Variants in ZZEF1 observed in about 807,000 individuals in gnomAD.
ZZEF1 encodes zinc finger ZZ-type and EF-hand domain-containing protein 1.
In ZZEF1, 157 loss-of-function variants were observed where a neutral mutation model predicts 342.8. The observed-to-expected ratio is 0.46, with a 90% CI of 0.40 to 0.52. ZZEF1 has a LOEUF of 0.52. Among genes scored for constraint, ZZEF1 ranks in the 20% least tolerant of loss-of-function variants. The probability of loss-of-function intolerance (pLI) is 0.00; values close to 1 mark genes in which losing one functional copy is unlikely to be tolerated. For missense variants in ZZEF1, 3,480 were observed against 3,725.6 expected (o/e 0.93, Z 1.72); for synonymous variants, 1,505 against 1,429.1 (o/e 1.05, Z -1.20).
At chr17:4,142,507 C>G (rs1424368399) in intron 1 of ZZEF1, 35 bp downstream of exon 1, 1 of 1,584,902 alleles carries the variant, frequency 6.3e-7, no homozygotes, top group Non-Finnish European at 8.5e-7. Context: ...GGCGACCGCC[C>G]TGCCCCATCC....
At position 4,075,444 on chromosome 17, in the gene ZZEF1, G is replaced by C; in HGVS notation, c.3235-15C>G. The C allele has an allele frequency of 6.2e-7, 1 of 1,611,590 alleles. No individual in the cohort carries two copies. The highest frequency in any genetic ancestry group is 8.5e-7 in the Non-Finnish European group (1 of 1,178,712). ...TCAACATCCAGCTATGATAACAAAT[G>C]AGCCAGGGGAAAGAAAGGTTCTATC... On this transcript the variant is annotated splice_polypyrimidine_tract_variant and intron_variant, in intron 21 of 54. Transcript: ENST00000381638.
rs1294584815 is a variant in ZZEF1, at chr17:4,042,463, C to T, written c.6272G>A (p.Gly2091Glu). 6.2e-7 allele frequency: 1 copy of T among 1,613,512 alleles called. No homozygotes were observed. ...FAECSQKRIL[G>E]LLAAMLPPLK... ...GGGAGGTAACATGGCTGCTAGTAAT[C>T]CCAAAATCCTCTTCTGGGAACACTC... Residue 2091 changes from glycine (G) to glutamate (E), a missense_variant, in exon 39 of 55, where the codon GGA becomes GAA. This residue lies in a region of ZZEF1 where 1,269 missense variants were observed against 1,342.4 expected (regional missense o/e 0.95). Transcript: ENST00000381638.
At chr17:4,141,658 T>C (rs1202311038) in intron 1 of ZZEF1, among the ~76,000 whole-genome samples, 4 of 151,332 alleles carry the variant, frequency 2.6e-5, no homozygotes, top group African/African-American at 9.7e-5. Context: ...ACCTATGTAA[T>C]ACATCTGCAA....
chr17:4,117,666 A>G (rs1335283622), intron 2 of ZZEF1, among the ~76,000 whole-genome samples: 2 of 151,588 alleles, frequency 1.3e-5, no homozygotes, highest in Non-Finnish European at 2.9e-5. Flanking sequence ...AAAAAAAAAA[A>G]AAGAATTAAT....
Position 4,095,986 on chromosome 17 carries a change from A to G in ZZEF1, c.1765-7T>C. The G allele has an allele frequency of 6.2e-7, 1 of 1,606,274 alleles. No individual in the cohort carries two copies. Among genetic ancestry groups the G allele is most frequent in the Non-Finnish European group, 8.5e-7 (1 of 1,175,714 alleles). ...CAATGCCACCACGTCGAACCTGGAAACAGAGATTAGGATGAAGTCTATCAA... is the reference window on the plus strand; with the variant it reads ...CAATGCCACCACGTCGAACCTGGAAGCAGAGATTAGGATGAAGTCTATCAA... On this transcript the variant is annotated splice_region_variant and splice_polypyrimidine_tract_variant and intron_variant, in intron 10 of 54. Transcript: ENST00000381638.
At position 4,005,635 on chromosome 17, in the gene ZZEF1, C is replaced by CTT. The variant is rs1418071391; in HGVS notation, c.*1253_*1254dup. 1.3e-5 allele frequency: 2 copies of CTT among 152,376 alleles called. No individual in the cohort carries two copies. The highest frequency in any genetic ancestry group is 4.8e-5 in the African/African-American group (2 of 41,480). The allele number at this position is 152,376 out of a possible 1,614,324, so 9.4% of individuals were successfully genotyped here. ...CCCTGCAGACCCTGCACAGAGGGAT[C>CTT]TTCAGAGGCCACGGGGCACACTGGG... On this transcript the variant is annotated 3_prime_UTR_variant, in exon 55 of 55. Transcript: ENST00000381638.
intron 13 of ZZEF1, 50 bp downstream of exon 13, chr17:4,088,628 T>C (rs895095071): frequency 6.3e-7 from 1 of 1,586,338 alleles, no homozygotes; most frequent in Admixed American, 1.7e-5. Context: ...CTGAATACTG[T>C]CATTCACTTT....
intron 43 of ZZEF1, among the ~76,000 whole-genome samples, chr17:4,024,186 G>GTTTTTT (rs754985234): frequency 0.018 from 1,703 of 94,288 alleles, 241 homozygotes; most frequent in African/African-American, 0.031. Context: ...TATTGCCCAG[G>GTTTTTT]TTTTTTTTTT....
chr17:4,123,674 A>G (rs1488335158), intron 2 of ZZEF1, among the ~76,000 whole-genome samples: 2 of 152,140 alleles, frequency 1.3e-5, no homozygotes, highest in Non-Finnish European at 2.9e-5. Context: ...AAGAGATCCA[A>G]TAAGGAAAGC....
rs530562783 is a variant in ZZEF1 at position 4,063,044 on chromosome 17, C to T, written c.4719-127G>A. The T allele has an allele frequency of 2.4e-5, 22 of 927,730 alleles. No homozygotes were observed. The Middle Eastern group carries it at 1.4e-3, about 60-fold the overall frequency. 57.5% of individuals were successfully genotyped at this position (927,730 alleles called of 1,614,324 possible). On this transcript the variant is annotated intron_variant, in intron 29 of 54. Coordinates refer to ENST00000381638, the MANE Select transcript of ZZEF1 (RefSeq NM_015113.4). The stretch of plus-strand genomic sequence containing the variant: ...ACACTATTGTGAGGTATTAGAAACA[C>T]CATGTAGGAGAAGTACCAATACCTC...
At chr17:4,105,167 C>G (rs1474659094) in intron 7 of ZZEF1, among the ~76,000 whole-genome samples, 1 of 152,180 alleles carries the variant, frequency 6.6e-6, no homozygotes, top group Non-Finnish European at 1.5e-5. Flanking sequence ...CTGAATTACA[C>G]TTCTTTGCTT....
At chr17:4,044,880 G>A (rs959252192) in intron 37 of ZZEF1, among the ~76,000 whole-genome samples, 1 of 152,166 alleles carries the variant, frequency 6.6e-6, no homozygotes, top group African/African-American at 2.4e-5. Context: ...CGGGCTGGGT[G>A]TGATGGCTCA....
intron 39 of ZZEF1, among the ~76,000 whole-genome samples, chr17:4,036,593 G>A (rs985175157): frequency 2.0e-5 from 3 of 151,942 alleles, no homozygotes; most frequent in Non-Finnish European, 4.4e-5. Context: ...TTAGCCAGGC[G>A]TGGTGGCACG....
At position 4,090,815 on chromosome 17, in the gene ZZEF1, A is replaced by G. The variant is rs757687237; in HGVS notation, c.1929T>C (p.Ser643=). The G allele has an allele frequency of 1.9e-4, 307 of 1,613,890 alleles. 1 individual carries two copies. The highest frequency in any genetic ancestry group is 1.4e-5 in the Non-Finnish European group (16 of 1,179,938). The change falls in exon 12 of 55, where the codon TCT becomes TCC. Residue 643 remains serine (S), a synonymous_variant. Transcript: ENST00000381638. ...TAGGATCATCCTCTCCAAGGTCATC[A>G]GATGAGCAACCAATCCTGTAAAGAC... ...QFVKSRIGCS[S]DDLGEDDPIG...
Position 4,029,965 on chromosome 17 carries a change from G to GC in ZZEF1, c.6892+2160dup, listed in dbSNP as rs373276266. Among the ~76,000 whole-genome samples, 226 of 150,908 alleles carry GC rather than the reference G, an allele frequency of 1.5e-3. 1 individual carries two copies. The highest frequency in any genetic ancestry group is 5.3e-3 in the African/African-American group (219 of 41,092). On this transcript the variant is annotated intron_variant, in intron 42 of 54. Coordinates refer to ENST00000381638, the MANE Select transcript of ZZEF1 (RefSeq NM_015113.4). ...TATCCCAGCACTTTGGGAGGCTAAGGCAGGAGGATCACCTGAGCCCAGCAG... is the reference window on the plus strand; with the variant it reads ...TATCCCAGCACTTTGGGAGGCTAAGGCCAGGAGGATCACCTGAGCCCAGCAG...
chr17:4,076,741 A>T lies in ZZEF1; in HGVS notation c.3130T>A (p.Phe1044Ile), dbSNP rs778489929. ...CAGTGTGGGATGTCTAAAGTGCAGA[A>T]GTCCAGCAGGAAGATAACCTAATGG... The part of the protein sequence containing the change: ...ARQLVIFLLD[F>I]CTLDIPHCVL... Residue 1044 changes from phenylalanine to isoleucine, a missense_variant, in exon 21 of 55, where the codon TTC becomes ATC. Around this residue, in one of 5 missense-constraint regions of ZZEF1, gnomAD observed 1,528 missense variants for 1,624.1 expected, o/e 0.94. Coordinates refer to ENST00000381638, the MANE Select transcript of ZZEF1 (RefSeq NM_015113.4). The T allele has an allele frequency of 1.2e-6, 2 of 1,610,738 alleles. No individual in the cohort carries two copies. The highest frequency in any genetic ancestry group is 4.5e-5 in the East Asian group (2 of 44,768).
chr17:4,009,488 C>T (rs2055888129), intron 53 of ZZEF1, 116 bp downstream of exon 53: 1 of 1,421,670 alleles, frequency 7.0e-7, no homozygotes, highest in Non-Finnish European at 9.8e-7. Flanking sequence ...TCCTGTGTGG[C>T]CTGTCGAGAC....
In ZZEF1 at chr17:4,072,647, T is replaced by G. The variant is rs1381204567; in HGVS notation, c.3795A>C (p.Glu1265Asp). Reference protein sequence around the residue: ...RHQVCPELELEASWPTHPHRN... With the variant: ...RHQVCPELELDASWPTHPHRN... ...GGTGTGGGTGAGTGGGCCAGCTTGC[T>G]TCTAATTCCAACTCTGGACAAACCT... Residue 1265 changes from glutamate to aspartate, a missense_variant, in exon 25 of 55, where the codon GAA becomes GAC. Transcript: ENST00000381638. The G allele has an allele frequency of 6.2e-7, 1 of 1,613,960 alleles. No homozygotes were observed. The highest frequency in any genetic ancestry group is 1.3e-5 in the African/African-American group (1 of 74,924).
intron 39 of ZZEF1, among the ~76,000 whole-genome samples, chr17:4,041,717 G>T (rs189013876): frequency 7.9e-5 from 12 of 152,136 alleles, no homozygotes; most frequent in Non-Finnish European, 1.6e-4. Flanking sequence ...ATATTTACAG[G>T]AACAGTCTAG....
Sources: allele counts gnomAD v4.1 joint callset (sites outside exome capture counted in the v4.1 genomes callset), GRCh38; gene constraint gnomAD v4.1.1; regional missense constraint gnomAD v4.1.1; transcripts MANE v1.5; gene names NCBI Gene and HGNC (gene_info 2026-07-23, HGNC 2026-07-21).